Variants in FAM133A observed in about 807,000 individuals in gnomAD.
The protein encoded by FAM133A is family with sequence similarity 133 member A.
For synonymous variants in FAM133A, 65 were observed against 58.6 expected (o/e 1.11, Z -0.50); for missense variants, 159 against 164.4 (o/e 0.97, Z 0.18).
chrX:93,708,211 C>T (rs778704927), intron 3 of FAM133A, among the ~76,000 whole-genome samples: 12 of 111,645 alleles, frequency 1.1e-4, no homozygotes, highest in Non-Finnish European at 2.3e-4. Context: ...TGGAATTGGC[C>T]ATGCTGGCTA....
intron 2 of FAM133A, among the ~76,000 whole-genome samples, chrX:93,686,107 CAAAAAAAAAAAAA>C (rs762274763): frequency 2.7e-5 from 1 of 37,517 alleles, no homozygotes; most frequent in East Asian, 1.1e-3. Context: ...GACTCCATCT[CAAAAAAAAAAAAA>C]AAAAAAAAAA....
At position 93,709,685 on chromosome X, in the gene FAM133A, AAAAAAGAGAAAGAAAG is replaced by A; in HGVS notation, c.281_296del (p.Lys94ArgfsTer59). On this transcript the variant is annotated frameshift_variant, in exon 4 of 4. Coordinates refer to ENST00000683942, the MANE Select transcript of FAM133A (RefSeq NM_001171109.2). LOFTEE classifies it low-confidence loss of function (END_TRUNC). The stretch of plus-strand genomic sequence containing the variant: ...TTAAGTGGAAATGAGAGCTCATCTA[AAAAAAGAGAAAGAAAG>A]AAAAAGAGAAAGAAGAAATCTTGTC... The A allele has an allele frequency of 3.3e-6, 4 of 1,195,544 alleles. No homozygotes were observed. The highest frequency in any genetic ancestry group is 1.9e-5 in the South Asian group (1 of 53,333).
At chrX:93,695,532 C>T (rs956921819) in intron 2 of FAM133A, among the ~76,000 whole-genome samples, 8 of 109,180 alleles carry the variant, frequency 7.3e-5, no homozygotes, top group Non-Finnish European at 1.5e-4. Flanking sequence ...GGATTACAGG[C>T]GTGAGCCACC....
chrX:93,697,459 G>A (rs1187165416), intron 2 of FAM133A, among the ~76,000 whole-genome samples: 2 of 110,540 alleles, frequency 1.8e-5, no homozygotes, highest in Non-Finnish European at 3.8e-5. Context: ...TATTTAACCC[G>A]TTTGAAAATA....
At chrX:93,694,104 G>T (rs1262630003) in intron 2 of FAM133A, among the ~76,000 whole-genome samples, 1 of 110,675 alleles carries the variant, frequency 9.0e-6, no homozygotes, top group Non-Finnish European at 1.9e-5. Flanking sequence ...GTGAGAGTAA[G>T]ATCAAGAGAA....
At chrX:93,677,122 GAT>G in intron 2 of FAM133A, among the ~76,000 whole-genome samples, 1 of 110,752 alleles carries the variant, frequency 9.0e-6, no homozygotes, top group Middle Eastern at 4.7e-3. Context: ...TTTGCATAGT[GAT>G]ATGTTTTTTT....
chrX:93,701,519 G>A (rs924737405), intron 3 of FAM133A, among the ~76,000 whole-genome samples: 21 of 111,410 alleles, frequency 1.9e-4, no homozygotes, highest in Non-Finnish European at 3.8e-5. Context: ...TTCATGTAAG[G>A]TGACCCGTGA....
intron 2 of FAM133A, among the ~76,000 whole-genome samples, chrX:93,679,369 A>G (rs1053816687): frequency 1.8e-5 from 2 of 111,602 alleles, no homozygotes; most frequent in African/African-American, 6.5e-5. Context: ...TATTCCTATA[A>G]TACAGATATA....
chrX:93,701,723 T>G (rs1031918617), intron 3 of FAM133A, among the ~76,000 whole-genome samples: 31 of 111,980 alleles, frequency 2.8e-4, no homozygotes, highest in Non-Finnish European at 3.8e-5. Flanking sequence ...AAATGCGTAT[T>G]TGAAGTTGGT....
chrX:93,710,342 C>T lies in FAM133A; in HGVS notation c.*176C>T. 2.4e-6 allele frequency: 1 copy of T among 416,722 alleles called. No individual in the cohort carries two copies. The highest frequency in any genetic ancestry group is 3.9e-6 in the Non-Finnish European group (1 of 254,406). The allele number at this position is 416,722 out of a possible 1,213,427, so 34.3% of individuals were successfully genotyped here. A position where few individuals can be genotyped will look rare whatever the true frequency, so the allele number is the denominator to read the frequency against. On this transcript the variant is annotated 3_prime_UTR_variant, in exon 4 of 4. Coordinates refer to ENST00000683942, the MANE Select transcript of FAM133A (RefSeq NM_001171109.2). ...TGTCCTTCCTTCTAATGGTTAATTC[C>T]TCTGAGAGCTAAAATTCTGTTGTCA...
intron 2 of FAM133A, among the ~76,000 whole-genome samples, chrX:93,678,482 G>A (rs1026286856): frequency 2.7e-5 from 3 of 111,591 alleles, no homozygotes; most frequent in African/African-American, 9.8e-5. Context: ...TTGCAATTTC[G>A]ATGAAGTCCA....
At chrX:93,689,899 A>G (rs1266226044) in intron 2 of FAM133A, among the ~76,000 whole-genome samples, 1 of 111,643 alleles carries the variant, frequency 9.0e-6, no homozygotes, top group Non-Finnish European at 1.9e-5. Context: ...ACTGAAAACA[A>G]CACTGAAGTT....
At chrX:93,699,145 A>G (rs1469193993) in intron 3 of FAM133A, among the ~76,000 whole-genome samples, 2 of 111,387 alleles carry the variant, frequency 1.8e-5, no homozygotes, top group Non-Finnish European at 3.8e-5. Flanking sequence ...CAGAAGATAA[A>G]GAGGAAGAGT....
intron 2 of FAM133A, among the ~76,000 whole-genome samples, chrX:93,697,906 A>C (rs1410760176): frequency 8.9e-6 from 1 of 111,844 alleles, no homozygotes; most frequent in African/African-American, 3.3e-5. Flanking sequence ...GGGTGGGGAA[A>C]ATTATTTTAT....
At chrX:93,684,561 T>A (rs1456597360) in intron 2 of FAM133A, among the ~76,000 whole-genome samples, 1 of 111,491 alleles carries the variant, frequency 9.0e-6, no homozygotes. Flanking sequence ...TGTGAGACAA[T>A]ATCTATTATT....
At chrX:93,689,632 TTTTA>T (rs1925762922) in intron 2 of FAM133A, among the ~76,000 whole-genome samples, 1 of 111,346 alleles carries the variant, frequency 9.0e-6, no homozygotes, top group Non-Finnish European at 1.9e-5. Flanking sequence ...CATGGTTATT[TTTTA>T]TTTGTGTTTT....
At chrX:93,688,910 A>G (rs1250528507) in intron 2 of FAM133A, among the ~76,000 whole-genome samples, 1 of 110,742 alleles carries the variant, frequency 9.0e-6, no homozygotes, top group Non-Finnish European at 1.9e-5. Flanking sequence ...AGAAAATGTA[A>G]AAGCATGACT....
intron 2 of FAM133A, among the ~76,000 whole-genome samples, chrX:93,691,573 T>A (rs1925899896): frequency 8.9e-6 from 1 of 111,980 alleles, no homozygotes; most frequent in Admixed American, 9.5e-5. Context: ...AAAGTATGAG[T>A]CATCCAATTT....
At chrX:93,688,348 A>G (rs1925676296) in intron 2 of FAM133A, among the ~76,000 whole-genome samples, 1 of 110,589 alleles carries the variant, frequency 9.0e-6, no homozygotes, top group South Asian at 3.8e-4. Flanking sequence ...ATCTTTTCTA[A>G]GACTTAGCTC....
Sources: gnomAD v4.1 joint callset for allele counts (sites outside exome capture counted in the v4.1 genomes callset) on GRCh38, gnomAD v4.1.1 for gene constraint, MANE v1.5 for transcripts, NCBI Gene and HGNC (gene_info 2026-07-23, HGNC 2026-07-21) for gene names.